MYO18B: variants seen among roughly 807,000 people sequenced by gnomAD.
The protein encoded by MYO18B is myosin XVIIIB.
MYO18B carries 204 observed loss-of-function variants against 273.0 expected under a neutral mutation model. The ratio of observed to expected loss-of-function variants is 0.75; its 90% confidence interval spans 0.67 to 0.84. The LOEUF (loss-of-function observed/expected upper bound fraction) is 0.84, where lower values mean the gene tolerates loss of function less well. MYO18B is among the 40% of genes least tolerant of loss of function. The pLI is 0.00. For synonymous variants in MYO18B, 1,330 were observed against 1,305.7 expected, an observed-to-expected ratio of 1.02 and a Z score of -0.40; for missense variants, 3,212 against 3,287.6, an observed-to-expected ratio of 0.98 and a Z score of 0.56.
intron 1 of MYO18B, among the ~76,000 whole-genome samples, chr22:25,755,498 G>T (rs1013185171): frequency 6.6e-6 from 1 of 152,208 alleles, no homozygotes; most frequent in Non-Finnish European, 1.5e-5. Flanking sequence ...GAGCCACCGC[G>T]CCCAGCCACT....
chr22:26,061,379 G>C, the MYO18B span, among the ~76,000 whole-genome samples: 1 of 152,072 alleles, frequency 6.6e-6, no homozygotes, highest in Non-Finnish European at 1.5e-5. Context: ...TCCTGTTAGG[G>C]TCTGCTTTCT....
intron 10 of MYO18B, among the ~76,000 whole-genome samples, chr22:25,783,456 C>T (rs1290494298): frequency 6.6e-6 from 1 of 152,294 alleles, no homozygotes; most frequent in Middle Eastern, 3.4e-3. Flanking sequence ...CCCGTGGCCT[C>T]ACCTCTTGGG....
the MYO18B span, among the ~76,000 whole-genome samples, chr22:26,062,738 G>A: frequency 6.6e-6 from 1 of 152,162 alleles, no homozygotes; most frequent in Non-Finnish European, 1.5e-5. Context: ...TACATGCCAT[G>A]CTGCCTTGGG....
chr22:25,958,174 C>T (rs28655738), intron 39 of MYO18B, among the ~76,000 whole-genome samples: 2,327 of 152,224 alleles, frequency 0.015, 72 homozygotes, highest in African/African-American at 0.053. Flanking sequence ...CTTGGCCTCC[C>T]GAAGTGTTGG....
At chr22:25,742,628 T>A (rs2085660313) in intron 1 of MYO18B, among the ~76,000 whole-genome samples, 1 of 152,224 alleles carries the variant, frequency 6.6e-6, no homozygotes, top group Non-Finnish European at 1.5e-5. Flanking sequence ...TGTGAATCTT[T>A]GCCCGCAGAC....
chr22:25,824,004 G>A (rs2089391792), intron 13 of MYO18B, among the ~76,000 whole-genome samples: 1 of 152,152 alleles, frequency 6.6e-6, no homozygotes, highest in Non-Finnish European at 1.5e-5. Context: ...ACTAAGTAGG[G>A]GAAAGACTAG....
chr22:25,958,797 T>C (rs1263286400), intron 39 of MYO18B, among the ~76,000 whole-genome samples: 1 of 152,194 alleles, frequency 6.6e-6, no homozygotes, highest in East Asian at 1.9e-4. Context: ...CATCTGTTCA[T>C]GTCTATGCCA....
chr22:25,774,534 C>G (rs1005059670), intron 7 of MYO18B, among the ~76,000 whole-genome samples: 2 of 152,266 alleles, frequency 1.3e-5, no homozygotes, highest in Non-Finnish European at 2.9e-5. Context: ...TTGGTACGCA[C>G]TCTGAAGGTA....
chr22:25,901,809 T>A (rs1286331456), intron 29 of MYO18B, among the ~76,000 whole-genome samples: 1 of 95,770 alleles, frequency 1.0e-5, no homozygotes, highest in Non-Finnish European at 1.9e-5. Context: ...TGGGTTGGTT[T>A]TTTTTTTTTT....
intron 25 of MYO18B, among the ~76,000 whole-genome samples, chr22:25,886,351 A>G (rs1376354365): frequency 6.6e-6 from 1 of 152,138 alleles, no homozygotes; most frequent in Non-Finnish European, 1.5e-5. Context: ...TTTATTTTGA[A>G]TTTCCCCTGC....
chr22:25,935,452 G>T (rs1235722274), intron 34 of MYO18B, among the ~76,000 whole-genome samples: 1 of 152,172 alleles, frequency 6.6e-6, no homozygotes, highest in Non-Finnish European at 1.5e-5. Context: ...TCAATTGTCT[G>T]CTCTGGAGGA....
intron 7 of MYO18B, among the ~76,000 whole-genome samples, chr22:25,774,595 G>A (rs9624893): frequency 3.3e-5 from 5 of 152,004 alleles, no homozygotes; most frequent in Admixed American, 2.0e-4. Context: ...GCACTGGTCC[G>A]CACCCTTCCC....
intron 34 of MYO18B, among the ~76,000 whole-genome samples, chr22:25,933,502 C>G (rs1195938395): frequency 1.3e-5 from 2 of 152,214 alleles, no homozygotes; most frequent in Non-Finnish European, 2.9e-5. Context: ...TAGAGAAATT[C>G]TCACCATCCA....
chr22:26,032,762 A>G (rs1936696361), downstream of MYO18B, among the ~76,000 whole-genome samples: 1 of 151,940 alleles, frequency 6.6e-6, no homozygotes, highest in Non-Finnish European at 1.5e-5. Context: ...ACCTCAGGTG[A>G]TCCACCTGCC....
chr22:25,928,396 C>T lies in MYO18B; in HGVS notation c.5517+6987C>T, dbSNP rs377505591. Among the ~76,000 whole-genome samples, 452 of 135,248 alleles carry T rather than the reference C, an allele frequency of 3.3e-3. 5 individuals carry two copies. The highest frequency in any genetic ancestry group is 0.012 in the African/African-American group (412 of 34,062). 88.7% of individuals were successfully genotyped at this position (135,248 alleles called of 152,430 possible). A position where few individuals can be genotyped will look rare whatever the true frequency, so the allele number is the denominator to read the frequency against. ...CCAGCCTGGGCAACATAGTAAGACC[C>T]GGCCTCAAAAAAAAAAAAAAAAAAA... On this transcript the variant is annotated intron_variant, in intron 34 of 43. Transcript: ENST00000335473.
chr22:26,054,392 C>T, the MYO18B span, among the ~76,000 whole-genome samples: 1 of 152,148 alleles, frequency 6.6e-6, no homozygotes, highest in Non-Finnish European at 1.5e-5. Flanking sequence ...GCCCAAGCAG[C>T]AGAGCCCCAT....
At chr22:25,858,768 G>A (rs887513612) in intron 21 of MYO18B, among the ~76,000 whole-genome samples, 6 of 152,204 alleles carry the variant, frequency 3.9e-5, no homozygotes, top group African/African-American at 1.4e-4. Context: ...GTTTGCTGAG[G>A]TGTAATGTTG....
chr22:25,749,282 G>A (rs2085869757), intron 1 of MYO18B, among the ~76,000 whole-genome samples: 1 of 152,216 alleles, frequency 6.6e-6, no homozygotes, highest in Non-Finnish European at 1.5e-5. Flanking sequence ...AACCAACAAA[G>A]CATGTTGAAG....
chr22:25,837,728 T>C (rs1360743959), intron 17 of MYO18B, among the ~76,000 whole-genome samples: 2 of 152,192 alleles, frequency 1.3e-5, no homozygotes, highest in African/African-American at 4.8e-5. Context: ...CCTGCAGCTC[T>C]CTCTGGAGCA....
Sources: gnomAD v4.1 joint callset for allele counts (sites outside exome capture counted in the v4.1 genomes callset) on GRCh38, gnomAD v4.1.1 for gene constraint, MANE v1.5 for transcripts, NCBI Gene and HGNC (gene_info 2026-07-23, HGNC 2026-07-21) for gene names.